Variants in FIG4 observed in about 807,000 individuals in gnomAD.
FIG4 encodes the protein polyphosphoinositide phosphatase.
A neutral mutation model predicts 118.6 loss-of-function variants in FIG4; 112 were observed. That is an observed-to-expected ratio of 0.94 (90% CI 0.81 to 1.11). The LOEUF (loss-of-function observed/expected upper bound fraction) is 1.11. Ranked by LOEUF, FIG4 falls within the 50% of genes least tolerant of loss-of-function variation. The probability of loss-of-function intolerance (pLI) is 0.00; values close to 1 mark genes in which losing one functional copy is unlikely to be tolerated. For missense variants in FIG4, 969 were observed against 1,111.7 expected (o/e 0.87, Z 1.83); for synonymous variants, 369 against 381.2 (o/e 0.97, Z 0.37).
intron 10 of FIG4, among the ~76,000 whole-genome samples, chr6:109,747,165 C>T (rs1332092445): frequency 6.6e-6 from 1 of 152,052 alleles, no homozygotes; most frequent in Non-Finnish European, 1.5e-5. Context: ...CAGGTCAGGG[C>T]ATGGTTCTGG....
chr6:109,749,617 A>AAAATAAAATAAAATG (rs1776627374), intron 10 of FIG4, among the ~76,000 whole-genome samples: 1 of 151,916 alleles, frequency 6.6e-6, no homozygotes, highest in South Asian at 2.1e-4. Context: ...AAAATAAAAT[A>AAAATAAAATAAAATG]AAAAGTAAGT....
intron 1 of FIG4, among the ~76,000 whole-genome samples, chr6:109,701,331 C>T (rs1774901611): frequency 6.6e-6 from 1 of 152,206 alleles, no homozygotes; most frequent in South Asian, 2.1e-4. Context: ...CACTAACAGT[C>T]ATACAGCCCA....
At chr6:109,777,928 GC>G (rs994655128) in intron 16 of FIG4, among the ~76,000 whole-genome samples, 1 of 152,162 alleles carries the variant, frequency 6.6e-6, no homozygotes, top group Non-Finnish European at 1.5e-5. Flanking sequence ...AAATGTAAAT[GC>G]CTGGACACAC....
intron 10 of FIG4, among the ~76,000 whole-genome samples, chr6:109,759,523 G>A (rs1191526464): frequency 6.6e-6 from 1 of 152,162 alleles, no homozygotes; most frequent in African/African-American, 2.4e-5. Flanking sequence ...AAAAAATGGA[G>A]GCCTAGGGAA....
chr6:109,707,196 T>C (rs991673773), intron 1 of FIG4, among the ~76,000 whole-genome samples: 4 of 152,056 alleles, frequency 2.6e-5, no homozygotes, highest in African/African-American at 9.7e-5. Context: ...GAGGTCAGGC[T>C]AACCCATCAT....
intron 1 of FIG4, among the ~76,000 whole-genome samples, chr6:109,710,602 G>T (rs993749412): frequency 2.6e-5 from 4 of 151,924 alleles, no homozygotes; most frequent in Admixed American, 2.0e-4. Context: ...TTGTTTTGTT[G>T]TTGTTGTTGT....
At chr6:109,726,564 G>T (rs565615027) in intron 3 of FIG4, among the ~76,000 whole-genome samples, 7 of 152,204 alleles carry the variant, frequency 4.6e-5, no homozygotes, top group African/African-American at 1.7e-4. Context: ...TTTTGCTTAG[G>T]ATTGTCTTGG....
intron 5 of FIG4, among the ~76,000 whole-genome samples, chr6:109,733,506 T>C (rs1481487354): frequency 2.6e-5 from 4 of 152,118 alleles, no homozygotes; most frequent in African/African-American, 9.7e-5. Context: ...GCTGTTGGTG[T>C]TACATACTAC....
At chr6:109,791,095 G>A (rs1778122201) in intron 19 of FIG4, among the ~76,000 whole-genome samples, 1 of 152,174 alleles carries the variant, frequency 6.6e-6, no homozygotes, top group Non-Finnish European at 1.5e-5. Flanking sequence ...AGTTACCAAA[G>A]GAAGGCATGG....
chr6:109,699,723 C>T (rs1422144327), intron 1 of FIG4, among the ~76,000 whole-genome samples: 1 of 152,034 alleles, frequency 6.6e-6, no homozygotes, highest in Non-Finnish European at 1.5e-5. Context: ...AGCCTGGTCT[C>T]GAACTCCTGA....
chr6:109,806,118 A>C (rs1383029729), intron 22 of FIG4, among the ~76,000 whole-genome samples: 2 of 152,130 alleles, frequency 1.3e-5, no homozygotes, highest in African/African-American at 4.8e-5. Flanking sequence ...ATTGGCCTAA[A>C]GATTTTGCTT....
At chr6:109,715,266 T>A in intron 2 of FIG4, 90 bp downstream of exon 2, 1 of 685,412 alleles carries the variant, frequency 1.5e-6, no homozygotes, top group East Asian at 2.7e-5. Flanking sequence ...AGTGATATAT[T>A]ATTTTTATCA....
At chr6:109,823,732 G>GTTA (rs1236830938) in intron 22 of FIG4, among the ~76,000 whole-genome samples, 2 of 151,970 alleles carry the variant, frequency 1.3e-5, no homozygotes, top group African/African-American at 2.4e-5. Context: ...TGGCATCCAG[G>GTTA]GTGCATTTCT....
Position 109,743,719 on chromosome 6 carries a change from G to T in FIG4, c.1084G>T (p.Asp362Tyr), listed in dbSNP as rs1583671823. 6.2e-7 allele frequency: 1 copy of T among 1,612,922 alleles called. No individual in the cohort carries two copies. Among genetic ancestry groups the T allele is most frequent in the South Asian group, 1.1e-5 (1 of 91,058 alleles). The stretch of plus-strand genomic sequence containing the variant: ...TGCACATGTGGCTGCCCTTCACTTT[G>T]ACCAGATGTTCCAGAGGTTTGGCTC... ...PFAHVAALHF[D>Y]QMFQRFGSPI... The change falls in exon 10 of 23, where the codon GAC (aspartate) becomes TAC (tyrosine). Residue 362 changes from aspartate to tyrosine, a missense_variant. Physicochemically the swap from Asp to Tyr is radical, Grantham distance 160 (BLOSUM62 -3). Coordinates refer to ENST00000230124, the MANE Select transcript of FIG4 (RefSeq NM_014845.6).
chr6:109,711,088 T>C (rs572170363), intron 1 of FIG4, among the ~76,000 whole-genome samples: 1 of 152,238 alleles, frequency 6.6e-6, no homozygotes, highest in East Asian at 1.9e-4. Context: ...CTAAGTCTCT[T>C]TGAAGGTCTC....
chr6:109,799,187 C>G (rs1253687006), intron 22 of FIG4, among the ~76,000 whole-genome samples: 2 of 152,184 alleles, frequency 1.3e-5, no homozygotes, highest in Non-Finnish European at 2.9e-5. Flanking sequence ...CCTGTGAGTC[C>G]TAGCACAGAT....
intron 11 of FIG4, 51 bp from the exon 12 acceptor site, chr6:109,762,040 A>G (rs980535317): frequency 1.0e-6 from 1 of 1,004,804 alleles, no homozygotes. Flanking sequence ...AAGGATAAAT[A>G]TATATTAAAA....
chr6:109,735,042 A>G, intron 5 of FIG4, 108 bp from the exon 6 acceptor site: 1 of 897,958 alleles, frequency 1.1e-6, no homozygotes, highest in Non-Finnish European at 1.8e-6. Context: ...AAATAAAGTA[A>G]TAGGTGCTAA....
chr6:109,727,670 C>T (rs1775862950), intron 4 of FIG4, among the ~76,000 whole-genome samples: 1 of 152,062 alleles, frequency 6.6e-6, no homozygotes, highest in Non-Finnish European at 1.5e-5. Flanking sequence ...AAAAAAACAG[C>T]AGACATTCTT....
Sources: allele counts gnomAD v4.1 joint callset (sites outside exome capture counted in the v4.1 genomes callset), GRCh38; gene constraint gnomAD v4.1.1; transcripts MANE v1.5; gene names NCBI Gene and HGNC (gene_info 2026-07-23, HGNC 2026-07-21).